Variants in LCA5 observed in about 807,000 individuals in gnomAD.
LCA5 encodes lebercilin LCA5.
In LCA5, 37 loss-of-function variants were observed where a neutral mutation model predicts 53.0. The ratio of observed to expected loss-of-function variants is 0.70; its 90% CI spans 0.54 to 0.92. LCA5 has a LOEUF of 0.92. Among genes scored for constraint, LCA5 ranks in the 40% least tolerant of loss-of-function variants. The probability of loss-of-function intolerance (pLI) is 0.00; values close to 1 mark genes in which losing one functional copy is unlikely to be tolerated. For synonymous variants in LCA5, 303 were observed against 282.9 expected, an observed-to-expected ratio of 1.07 and a Z score of -0.71; for missense variants, 806 against 790.5, an observed-to-expected ratio of 1.02 and a Z score of -0.23.
intron 6 of LCA5, 102 bp downstream of exon 6, chr6:79,491,486 T>C: frequency 8.4e-7 from 1 of 1,193,924 alleles, no homozygotes; most frequent in Non-Finnish European, 1.2e-6. Flanking sequence ...TTCATATAGA[T>C]ATAGTACTAG....
In LCA5 at chr6:79,518,885, T is replaced by C; in HGVS notation, c.10A>G (p.Arg4Gly). 1.2e-6 allele frequency: 2 copies of C among 1,614,170 alleles called. No homozygotes were observed. The highest frequency in any genetic ancestry group is 8.5e-7 in the Non-Finnish European group (1 of 1,179,996). The change falls in exon 2 of 8, where the codon AGA (arginine) becomes GGA (glycine). Residue 4 changes from arginine (R) to glycine (G), a missense_variant. Arg to Gly is a moderately radical substitution (Grantham distance 125, BLOSUM62 -2). Transcript: ENST00000369846. MGE[R>G]AGSPGTDQER... Reference sequence around the variant, plus strand: ...TGATCAGTACCTGGACTTCCTGCTCTTTCCCCCATTGTTTTGAAAAATGGT... The same window carrying C: ...TGATCAGTACCTGGACTTCCTGCTCCTTCCCCCATTGTTTTGAAAAATGGT...
intron 6 of LCA5, among the ~76,000 whole-genome samples, chr6:79,490,504 T>G (rs1769807221): frequency 6.6e-6 from 1 of 152,136 alleles, no homozygotes; most frequent in Non-Finnish European, 1.5e-5. Context: ...TTCTGTTGAA[T>G]GTATACTGTA....
intron 2 of LCA5, among the ~76,000 whole-genome samples, chr6:79,518,151 A>G (rs888737791): frequency 9.8e-5 from 15 of 152,336 alleles, no homozygotes; most frequent in Admixed American, 4.6e-4. Context: ...TAACATTTTA[A>G]TAACAAAAAT....
Position 79,522,798 on chromosome 6 carries a change from C to T in LCA5, c.-191-3713G>A, listed in dbSNP as rs144646224. On this transcript the variant is annotated intron_variant, in intron 1 of 7. Coordinates refer to ENST00000369846, the MANE Select transcript of LCA5 (RefSeq NM_001122769.3). ...AACTCCTGGGCTCAGGCAATCCTCC[C>T]ACCTCCTGAGTAGCCAGAACTACAG... is the stretch of plus-strand genomic sequence containing the variant. Among the ~76,000 whole-genome samples, 304 of 152,224 alleles carry T rather than the reference C, an allele frequency of 2.0e-3. 1 individual carries two copies. The highest frequency in any genetic ancestry group is 6.8e-3 in the African/African-American group (284 of 41,528).
At chr6:79,513,791 T>G (rs1252947722) in intron 2 of LCA5, 50 bp from the exon 3 acceptor site, 1 of 1,563,466 alleles carries the variant, frequency 6.4e-7, no homozygotes, top group South Asian at 1.1e-5. Flanking sequence ...CCAAACACAG[T>G]GTTATTTGTT....
intron 2 of LCA5, among the ~76,000 whole-genome samples, chr6:79,515,608 A>AT (rs1289137817): frequency 3.3e-5 from 5 of 151,830 alleles, no homozygotes; most frequent in African/African-American, 4.8e-5. Context: ...TGGTAACTGC[A>AT]TTTTTTTTCC....
rs1426595815 is a variant in LCA5 at position 79,486,713 on chromosome 6, C to T, written c.*291G>A. 1.4e-5 allele frequency: 4 copies of T among 287,746 alleles called. No individual in the cohort carries two copies. The Admixed American group carries it at 1.4e-4, about 10-fold the overall frequency. The allele number at this position is 287,746 out of a possible 1,614,324, so 17.8% of individuals were successfully genotyped here. A position where few individuals can be genotyped will look rare whatever the true frequency, so the allele number is the denominator to read the frequency against. The stretch of plus-strand genomic sequence containing the variant: ...GAATAAAAGTAGAAAAGGAATACCA[C>T]CTCCAGTGCAGTTAAACTTGCCATA... On this transcript the variant is annotated 3_prime_UTR_variant, in exon 8 of 8. Coordinates refer to ENST00000369846, the MANE Select transcript of LCA5 (RefSeq NM_001122769.3).
intron 3 of LCA5, among the ~76,000 whole-genome samples, chr6:79,509,317 G>A (rs1219464702): frequency 1.3e-5 from 2 of 152,060 alleles, no homozygotes; most frequent in Non-Finnish European, 2.9e-5. Context: ...AGCCGGGCAT[G>A]GTTGTGTGTG....
At position 79,518,956 on chromosome 6, in the gene LCA5, T is replaced by C. The variant is rs2803195; in HGVS notation, c.-62A>G. On this transcript the variant is annotated 5_prime_UTR_variant, in exon 2 of 8. Transcript: ENST00000369846. ...AGATTATTTTCTCCAGAGGAGACTA[T>C]GACAATACTGAAAAACATTTTCACA... is the stretch of plus-strand genomic sequence containing the variant. 0.81 allele frequency: 1,189,647 copies of C among 1,472,568 alleles called. 482,679 individuals carry two copies. The highest frequency in any genetic ancestry group is 0.99 in the East Asian group (43,670 of 44,226). 91.2% of individuals were successfully genotyped at this position (1,472,568 alleles called of 1,614,324 possible).
chr6:79,499,665 C>T (rs1359893950), intron 3 of LCA5, among the ~76,000 whole-genome samples: 1 of 150,648 alleles, frequency 6.6e-6, no homozygotes, highest in Non-Finnish European at 1.5e-5. Context: ...ATATTTTTGC[C>T]CCACTTTTTT....
At chr6:79,531,633 T>G (rs966332195) in intron 1 of LCA5, among the ~76,000 whole-genome samples, 6 of 152,154 alleles carry the variant, frequency 3.9e-5, no homozygotes, top group Non-Finnish European at 7.4e-5. Context: ...AGTTTCTTAT[T>G]TCTTCTTTTG....
At chr6:79,519,829 A>C (rs1766570033) in intron 1 of LCA5, among the ~76,000 whole-genome samples, 1 of 152,146 alleles carries the variant, frequency 6.6e-6, no homozygotes, top group Non-Finnish European at 1.5e-5. Flanking sequence ...TTGATGAGAA[A>C]CATTTGCAAA....
At chr6:79,526,124 C>A (rs1420680773) in intron 1 of LCA5, among the ~76,000 whole-genome samples, 4 of 152,200 alleles carry the variant, frequency 2.6e-5, no homozygotes. Flanking sequence ...AAGTAAATTT[C>A]ACAGAAATGC....
rs762669053 is a variant in LCA5, at chr6:79,487,815, A to G, written c.1283T>C (p.Leu428Pro). 4.3e-6 allele frequency: 7 copies of G among 1,610,016 alleles called. No homozygotes were observed. The Admixed American group carries it at 1.0e-4, about 23-fold the overall frequency. Residue 428 changes from leucine to proline, a missense_variant, in exon 8 of 8, where the codon CTG becomes CCG. Transcript: ENST00000369846. Reference protein sequence around the residue: ...DKKQKEKASLLEREEKPEWET... With the variant: ...DKKQKEKASLPEREEKPEWET... ...CCACTCTGGCTTTTCTTCTCTTTCC[A>G]GTAAAGATGCCTTTTCTTTTTGCTT...
intron 1 of LCA5, among the ~76,000 whole-genome samples, chr6:79,522,689 CTATT>C (rs2127685102): frequency 6.6e-6 from 1 of 152,094 alleles, no homozygotes. Context: ...AATTTAAACA[CTATT>C]TATTGTTATT....
At chr6:79,512,721 C>T (rs1562105840) in intron 3 of LCA5, among the ~76,000 whole-genome samples, 1 of 152,102 alleles carries the variant, frequency 6.6e-6, no homozygotes, top group Non-Finnish European at 1.5e-5. Context: ...TTTAAAAGAG[C>T]TGCTGTATTC....
chr6:79,494,470 G>A (rs7754849), intron 3 of LCA5, among the ~76,000 whole-genome samples: 14,184 of 151,348 alleles, frequency 0.094, 1,487 homozygotes, highest in East Asian at 0.55. Context: ...TCTAACTTGC[G>A]GGCTTTTTTT....
At chr6:79,523,094 T>C (rs1766674177) in intron 1 of LCA5, among the ~76,000 whole-genome samples, 1 of 152,146 alleles carries the variant, frequency 6.6e-6, no homozygotes, top group Non-Finnish European at 1.5e-5. Context: ...ATTCTAATAT[T>C]TCCAATTCTG....
rs1380630127 is a variant in LCA5, at chr6:79,489,063, TAAAC to T, written c.1231+17_1231+20del. ...AAGGGATGCTGACTTGTCACATGCT[TAAAC>T]AAACTCTTTTTCTTACCATCCTCCA... On this transcript the variant is annotated intron_variant, in intron 7 of 7. Coordinates refer to ENST00000369846, the MANE Select transcript of LCA5 (RefSeq NM_001122769.3). 4.3e-6 allele frequency: 7 copies of T among 1,612,136 alleles called. No individual in the cohort carries two copies. In the African/African-American group the frequency reaches 9.3e-5, roughly 22 times the overall value.
Sources: allele counts gnomAD v4.1 joint callset (sites outside exome capture counted in the v4.1 genomes callset), GRCh38; gene constraint gnomAD v4.1.1; transcripts MANE v1.5; gene names NCBI Gene and HGNC (gene_info 2026-07-23, HGNC 2026-07-21).